MECR: variants seen among roughly 807,000 people sequenced by gnomAD.
The protein encoded by MECR is enoyl-[acyl-carrier-protein] reductase, mitochondrial.
A neutral mutation model predicts 49.1 loss-of-function variants in MECR; 37 were observed. That is an observed-to-expected ratio of 0.75 (90% CI 0.58 to 0.99). The LOEUF (loss-of-function observed/expected upper bound fraction) is 0.99. Ranked by LOEUF, MECR falls within the 50% of genes least tolerant of loss-of-function variation. The pLI is 0.00. For missense variants in MECR, 470 were observed against 479.6 expected (o/e 0.98, Z 0.19); for synonymous variants, 198 against 191.1 (o/e 1.04, Z -0.30).
chr1:29,230,725 T>A lies in MECR; in HGVS notation c.176+6A>T. The A allele has an allele frequency of 6.4e-7, 1 of 1,570,286 alleles. No individual in the cohort carries two copies. The highest frequency in any genetic ancestry group is 8.6e-7 in the Non-Finnish European group (1 of 1,157,444). ...CCCCTTCCCCGGCTTCGGCGCCGTCTCTTACTCGACGACCTTGGCTGGATC... is the reference window on the plus strand; with the variant it reads ...CCCCTTCCCCGGCTTCGGCGCCGTCACTTACTCGACGACCTTGGCTGGATC... On this transcript the variant is annotated splice_donor_region_variant and intron_variant, in intron 1 of 9. Transcript: ENST00000263702.
At chr1:29,181,590 CCCA>C in the MECR span, 3 of 1,442,674 alleles carry the variant, frequency 2.1e-6, no homozygotes, top group Admixed American at 2.1e-5. Flanking sequence ...CCGCGGCCTC[CCCA>C]CCACCTATGG....
chr1:29,223,838 T>G (rs1574501723), intron 1 of MECR: 1 of 151,994 alleles, frequency 6.6e-6, no homozygotes, highest in Admixed American at 6.6e-5. Context: ...AGGGCCTGGC[T>G]CCCAGGGAAC....
the MECR span, chr1:29,171,423 T>C: frequency 6.8e-6 from 1 of 147,802 alleles, no homozygotes; most frequent in Non-Finnish European, 1.5e-5. Flanking sequence ...GTATGGGAAT[T>C]TAAAAAATCT....
intron 1 of MECR, among the ~76,000 whole-genome samples, chr1:29,222,179 C>T (rs956732750): frequency 4.6e-5 from 7 of 152,160 alleles, no homozygotes; most frequent in African/African-American, 9.7e-5. Context: ...CTGCAAGCTC[C>T]GCCTCCCGGG....
In MECR at chr1:29,193,952, A is replaced by T. The variant is rs868506868; in HGVS notation, c.*70T>A. ...TAGTCTGGGGAAGGTGGGAGCCCCA[A>T]CTGAGGGGCCTGCACCCAGCCCCTC... On this transcript the variant is annotated 3_prime_UTR_variant, in exon 10 of 10. Coordinates refer to ENST00000263702, the MANE Select transcript of MECR (RefSeq NM_016011.5). The T allele has an allele frequency of 1.3e-6, 2 of 1,574,836 alleles. No homozygotes were observed. The highest frequency in any genetic ancestry group is 3.5e-5 in the Admixed American group (2 of 57,464).
the MECR span, among the ~76,000 whole-genome samples, chr1:29,183,326 G>A: frequency 6.6e-6 from 1 of 152,176 alleles, no homozygotes; most frequent in Non-Finnish European, 1.5e-5. Context: ...CCTGGTGAAG[G>A]ACATTGAAAT....
At chr1:29,179,381 G>C in the MECR span, among the ~76,000 whole-genome samples, 7 of 152,134 alleles carry the variant, frequency 4.6e-5, no homozygotes. Context: ...TTTTATTAGA[G>C]ATGGGGGTCT....
intron 1 of MECR, among the ~76,000 whole-genome samples, chr1:29,223,743 T>A (rs1286835654): frequency 6.6e-6 from 1 of 152,142 alleles, no homozygotes; most frequent in African/African-American, 2.4e-5. Context: ...CTAGGTACAT[T>A]GTTCTGGGAT....
At chr1:29,214,829 C>T (rs550941244) in intron 3 of MECR, among the ~76,000 whole-genome samples, 1 of 152,310 alleles carries the variant, frequency 6.6e-6, no homozygotes, top group African/African-American at 2.4e-5. Context: ...CAATTTATGT[C>T]CAATGGATGG....
At chr1:29,181,628 C>T in the MECR span, 1 of 1,573,118 alleles carries the variant, frequency 6.4e-7, no homozygotes, top group South Asian at 1.1e-5. Context: ...CGGCCGGACC[C>T]TCTTTCGCCC....
At chr1:29,169,288 C>T in the MECR span, 1 of 152,236 alleles carries the variant, frequency 6.6e-6, no homozygotes, top group Non-Finnish European at 1.5e-5. Flanking sequence ...CTGCATTCTA[C>T]CACCACGTTT....
the MECR span, among the ~76,000 whole-genome samples, chr1:29,176,859 C>G: frequency 6.6e-6 from 1 of 152,170 alleles, no homozygotes; most frequent in African/African-American, 2.4e-5. Context: ...TTTCACTGTT[C>G]CATGAAACGC....
the MECR span, among the ~76,000 whole-genome samples, chr1:29,176,505 A>G: frequency 1.3e-5 from 2 of 149,522 alleles, no homozygotes; most frequent in Admixed American, 6.7e-5. Context: ...AAAAAAAAAG[A>G]AAAAAATACT....
the MECR span, among the ~76,000 whole-genome samples, chr1:29,178,759 T>C: frequency 6.6e-6 from 1 of 152,226 alleles, no homozygotes; most frequent in Non-Finnish European, 1.5e-5. Context: ...CGTAGCTAAG[T>C]TATGCTTTTT....
chr1:29,221,050 T>G (rs181924218), intron 1 of MECR: 1 of 320,712 alleles, frequency 3.1e-6, no homozygotes, highest in Admixed American at 6.5e-5. Context: ...TCATGATGAA[T>G]AAAGGTGGGC....
chr1:29,177,510 G>A, the MECR span, among the ~76,000 whole-genome samples: 1 of 152,160 alleles, frequency 6.6e-6, no homozygotes, highest in East Asian at 1.9e-4. Context: ...TTGAACTTAT[G>A]ACCTTGGGTG....
chr1:29,186,815 C>T, the MECR span, among the ~76,000 whole-genome samples: 1 of 152,212 alleles, frequency 6.6e-6, no homozygotes, highest in Non-Finnish European at 1.5e-5. Context: ...GTCAGGGGAT[C>T]TGGCTTCTAG....
rs1364409042 is a variant in MECR at position 29,230,718 on chromosome 1, C to T, written c.176+13G>A. On this transcript the variant is annotated intron_variant, in intron 1 of 9. Transcript: ENST00000263702. The stretch of plus-strand genomic sequence containing the variant: ...CCCCAGTCCCCTTCCCCGGCTTCGG[C>T]GCCGTCTCTTACTCGACGACCTTGG... The T allele has an allele frequency of 1.3e-6, 2 of 1,563,782 alleles. No homozygotes were observed. The highest frequency in any genetic ancestry group is 1.7e-6 in the Non-Finnish European group (2 of 1,153,822).
At chr1:29,178,680 A>G in the MECR span, among the ~76,000 whole-genome samples, 2 of 152,086 alleles carry the variant, frequency 1.3e-5, no homozygotes. Context: ...CACAATCTAG[A>G]TATGTTCAAA....
Sources: gnomAD v4.1 joint callset for allele counts (sites outside exome capture counted in the v4.1 genomes callset) on GRCh38, gnomAD v4.1.1 for gene constraint, MANE v1.5 for transcripts, NCBI Gene and HGNC (gene_info 2026-07-23, HGNC 2026-07-21) for gene names.